The following KMT5B variants were observed in gnomAD, a reference collection of about 807,000 sequenced individuals.
KMT5B encodes the protein lysine methyltransferase 5B.
A neutral mutation model predicts 83.2 loss-of-function variants in KMT5B; 10 were observed. The observed-to-expected ratio is 0.12, with a 90% CI of 0.07 to 0.20. The LOEUF (loss-of-function observed/expected upper bound fraction) is 0.20, where lower values mean the gene tolerates loss of function less well. Among genes scored for constraint, KMT5B ranks in the 10% least tolerant of loss-of-function variants. The probability of loss-of-function intolerance (pLI) is 1.00; values close to 1 mark genes in which losing one functional copy is unlikely to be tolerated. For missense variants in KMT5B, 753 were observed against 1,067.2 expected (o/e 0.71, Z 4.10); for synonymous variants, 349 against 388.8 (o/e 0.90, Z 1.20).
chr11:68,176,421 T>A (rs902952415), intron 4 of KMT5B: 1 of 152,230 alleles, frequency 6.6e-6, no homozygotes, highest in African/African-American at 2.4e-5. Context: ...GTCAATTTCA[T>A]AAAGCTAATT....
chr11:68,185,022 G>A (rs1857300451), intron 3 of KMT5B, among the ~76,000 whole-genome samples: 1 of 151,990 alleles, frequency 6.6e-6, no homozygotes, highest in South Asian at 2.1e-4. Context: ...ATAATTAGCT[G>A]AATCCCAAAG....
At chr11:68,169,553 T>C (rs550972197) in intron 9 of KMT5B, among the ~76,000 whole-genome samples, 3 of 152,254 alleles carry the variant, frequency 2.0e-5, no homozygotes, top group Non-Finnish European at 4.4e-5. Flanking sequence ...TGTGCTATTC[T>C]ACATGCTTTA....
upstream of KMT5B, chr11:68,213,627 CGCCGCCCCCGGTGA>C (rs974252858): frequency 1.1e-4 from 17 of 153,692 alleles, no homozygotes; most frequent in African/African-American, 3.4e-4. Flanking sequence ...GCCGCCGCGT[CGCCGCCCCCGGTGA>C]GCCGCCTGGA....
intron 1 of KMT5B, among the ~76,000 whole-genome samples, chr11:68,201,842 G>A (rs1859475699): frequency 6.6e-6 from 1 of 151,896 alleles, no homozygotes; most frequent in African/African-American, 2.4e-5. Context: ...CACTTAGGGA[G>A]GCCGAAGCAG....
chr11:68,174,266 T>C, intron 5 of KMT5B: 1 of 356,910 alleles, frequency 2.8e-6, no homozygotes, highest in Non-Finnish European at 5.5e-6. Context: ...ACAAACTTTA[T>C]TGTTACTCAA....
At chr11:68,177,915 T>C (rs758625892) in intron 4 of KMT5B, among the ~76,000 whole-genome samples, 3 of 152,088 alleles carry the variant, frequency 2.0e-5, no homozygotes, top group Non-Finnish European at 4.4e-5. Context: ...AGAAATCCAA[T>C]GGAAACCATT....
chr11:68,184,924 A>G, intron 3 of KMT5B, among the ~76,000 whole-genome samples: 1 of 152,210 alleles, frequency 6.6e-6, no homozygotes, highest in East Asian at 1.9e-4. Flanking sequence ...TTTTTTATAT[A>G]CAGCATTTGG....
At chr11:68,200,672 T>C (rs1004291799) in intron 1 of KMT5B, among the ~76,000 whole-genome samples, 14 of 152,198 alleles carry the variant, frequency 9.2e-5, no homozygotes, top group African/African-American at 2.2e-4. Flanking sequence ...AGAGCGCTTA[T>C]AGGATCTGTG....
intron 6 of KMT5B, among the ~76,000 whole-genome samples, chr11:68,172,893 A>C (rs1483050966): frequency 6.6e-6 from 1 of 152,070 alleles, no homozygotes; most frequent in Non-Finnish European, 1.5e-5. Context: ...TGACCCCCCA[A>C]ATTTTTGTGG....
chr11:68,165,476 C>T (rs1345512218), intron 10 of KMT5B, among the ~76,000 whole-genome samples: 1 of 151,948 alleles, frequency 6.6e-6, no homozygotes, highest in Admixed American at 6.5e-5. Context: ...TGCACTCCAG[C>T]CTGGGGACAG....
chr11:68,181,219 C>T (rs1856895455), intron 3 of KMT5B, among the ~76,000 whole-genome samples: 1 of 151,968 alleles, frequency 6.6e-6, no homozygotes, highest in Admixed American at 6.6e-5. Context: ...GGATTACGGG[C>T]ACGCACCACC....
chr11:68,178,013 G>C (rs1031932717), intron 4 of KMT5B, among the ~76,000 whole-genome samples: 1 of 152,120 alleles, frequency 6.6e-6, no homozygotes, highest in Non-Finnish European at 1.5e-5. Context: ...ATGACCTGTC[G>C]AGCAATATGA....
At position 68,171,751 on chromosome 11, in the gene KMT5B, A is replaced by C; in HGVS notation, c.654-42T>G. ...ATGTGTTAAAAATTACTAGTAATTA[A>C]ATATAGTAAGGCTTCTTTTAATAAA... On this transcript the variant is annotated intron_variant, in intron 6 of 10. Coordinates refer to ENST00000304363, the MANE Select transcript of KMT5B (RefSeq NM_017635.5). This position sits in a 1 kb window ranked among gnomAD's most constrained non-coding sequence, Gnocchi z 5.1. 2 of 1,436,126 alleles carry C rather than the reference A, an allele frequency of 1.4e-6. No individual in the cohort carries two copies. The highest frequency in any genetic ancestry group is 1.9e-6 in the Non-Finnish European group (2 of 1,031,770). 89.0% of individuals were successfully genotyped at this position (1,436,126 alleles called of 1,614,324 possible). A position where few individuals can be genotyped will look rare whatever the true frequency, so the allele number is the denominator to read the frequency against.
intron 1 of KMT5B, among the ~76,000 whole-genome samples, chr11:68,199,826 C>T (rs193007544): frequency 6.3e-4 from 96 of 152,198 alleles, no homozygotes; most frequent in African/African-American, 2.1e-3. Context: ...CTGAAGGTTC[C>T]GCTGATAGTC....
chr11:68,171,802 A>G lies in KMT5B; in HGVS notation c.654-93T>C. ...ATAATCCTGACAATAAATATCAGAA[A>G]CTGAAAAGGCCTAGCTGTCTATACT... On this transcript the variant is annotated intron_variant, in intron 6 of 10. Coordinates refer to ENST00000304363, the MANE Select transcript of KMT5B (RefSeq NM_017635.5). The surrounding 1 kb of genome is among the most constrained non-coding windows in gnomAD (Gnocchi z 5.1). 1 of 1,062,370 alleles carries G rather than the reference A, an allele frequency of 9.4e-7. No homozygotes were observed. 65.8% of individuals were successfully genotyped at this position (1,062,370 alleles called of 1,614,324 possible).
At chr11:68,188,423 C>T (rs1857670207) in intron 2 of KMT5B, among the ~76,000 whole-genome samples, 1 of 151,698 alleles carries the variant, frequency 6.6e-6, no homozygotes, top group African/African-American at 2.4e-5. Context: ...CGGCTCACTG[C>T]AACCTCTAAC....
intron 3 of KMT5B, among the ~76,000 whole-genome samples, chr11:68,182,229 AGTAAG>A (rs564752492): frequency 2.1e-4 from 32 of 152,280 alleles, no homozygotes; most frequent in African/African-American, 7.7e-4. Flanking sequence ...GGAAACTCCT[AGTAAG>A]GTATTTTTAT....
rs779700777 is a variant in KMT5B, at chr11:68,159,165, T to A, written c.1181A>T (p.Asn394Ile). The change falls in exon 11 of 11, where the codon AAC becomes ATC. Residue 394 changes from asparagine to isoleucine, a missense_variant. Asn to Ile is a moderately radical substitution (Grantham distance 149). Coordinates refer to ENST00000304363, the MANE Select transcript of KMT5B (RefSeq NM_017635.5). ...TTTTACGCCAACTGAAGATTTTCGG[T>A]TAGAAGCTGTAAGGTTAAAGAGAAA... Reference protein sequence around the residue: ...TTQEKNNATSNRKSSVGVKKN... With the variant: ...TTQEKNNATSIRKSSVGVKKN... 1 of 1,566,474 alleles carries A rather than the reference T, an allele frequency of 6.4e-7. No individual in the cohort carries two copies. Among genetic ancestry groups the A allele is most frequent in the Non-Finnish European group, 8.6e-7 (1 of 1,164,930 alleles).
intron 9 of KMT5B, among the ~76,000 whole-genome samples, chr11:68,167,632 T>A (rs560204783): frequency 6.6e-6 from 1 of 152,202 alleles, no homozygotes; most frequent in East Asian, 1.9e-4. Context: ...TTTTTAAATT[T>A]TTTTTTGTAG....
Sources: gnomAD v4.1 joint callset for allele counts (sites outside exome capture counted in the v4.1 genomes callset) on GRCh38, gnomAD v4.1.1 for gene constraint, Gnocchi (gnomAD v3.1) non-coding constraint, MANE v1.5 for transcripts, NCBI Gene and HGNC (gene_info 2026-07-23, HGNC 2026-07-21) for gene names.